Variants in PAX3 observed in about 807,000 individuals in gnomAD.
PAX3 encodes the protein paired box protein Pax-3.
PAX3 carries 14 observed loss-of-function variants against 51.6 expected under a neutral mutation model. That is an observed-to-expected ratio of 0.27 (90% confidence interval 0.18 to 0.42). The LOEUF is 0.42. Ranked by LOEUF, PAX3 falls within the 10% of genes least tolerant of loss-of-function variation. PAX3 has a pLI of 1.00. For missense variants in PAX3, 540 were observed against 642.8 expected (o/e 0.84, Z 1.73); for synonymous variants, 280 against 253.4 (o/e 1.11, Z -1.00).
chr2:222,231,868 T>C (rs1195233888), intron 5 of PAX3, among the ~76,000 whole-genome samples: 1 of 152,238 alleles, frequency 6.6e-6, no homozygotes, highest in African/African-American at 2.4e-5. Context: ...AAAGTTGAGT[T>C]AGTCACATGA....
intron 4 of PAX3, among the ~76,000 whole-genome samples, chr2:222,271,156 C>T (rs1427941949): frequency 6.6e-6 from 1 of 152,190 alleles, no homozygotes; most frequent in Non-Finnish European, 1.5e-5. Context: ...CACATAGTGA[C>T]TTTTCCATGA....
chr2:222,220,084 T>C (rs1692125549), intron 7 of PAX3, 56 bp downstream of exon 7: 14 of 1,439,430 alleles, frequency 9.7e-6, no homozygotes, highest in Middle Eastern at 2.2e-4. Context: ...CCTCAGGGAA[T>C]TGAATATTTG....
chr2:222,240,249 A>G (rs567397028), intron 4 of PAX3, among the ~76,000 whole-genome samples: 1 of 152,100 alleles, frequency 6.6e-6, no homozygotes, highest in Non-Finnish European at 1.5e-5. Flanking sequence ...AACATGGACT[A>G]TTGGGTGTTT....
chr2:222,221,107 G>A, intron 6 of PAX3, 115 bp downstream of exon 6: 2 of 967,072 alleles, frequency 2.1e-6, no homozygotes, highest in South Asian at 2.6e-5. Context: ...ACAACCTGAT[G>A]TATTACAATT....
In PAX3 at chr2:222,220,175, T is replaced by C. The variant is rs755170133; in HGVS notation, c.1138A>G (p.Met380Val). ...FVPPSGPSNP[M>V]NPTIGNGLSP... The stretch of plus-strand genomic sequence containing the variant: ...AGGCCATTGCCAATGGTGGGGTTCA[T>C]GGGGTTGGAGGGCCCCGACGGAGGC... Residue 380 changes from methionine to valine, a missense_variant, in exon 7 of 9, where the codon ATG becomes GTG. Physicochemically the swap from Met to Val is conservative, Grantham distance 21. Transcript: ENST00000392070. The C allele has an allele frequency of 2.5e-6, 4 of 1,613,860 alleles. No homozygotes were observed. Among genetic ancestry groups the C allele is most frequent in the Admixed American group, 1.7e-5 (1 of 60,000 alleles).
At chr2:222,229,289 T>C (rs1469237719) in intron 5 of PAX3, among the ~76,000 whole-genome samples, 1 of 150,192 alleles carries the variant, frequency 6.7e-6, no homozygotes, top group Non-Finnish European at 1.5e-5. Context: ...TTATATAGTA[T>C]TATATAATAT....
chr2:222,229,784 C>G (rs1692517850), intron 5 of PAX3, among the ~76,000 whole-genome samples: 1 of 152,186 alleles, frequency 6.6e-6, no homozygotes, highest in South Asian at 2.1e-4. Context: ...TAGCCCACCA[C>G]TTCTACCTCT....
chr2:222,218,635 G>A (rs1366428661), intron 7 of PAX3, among the ~76,000 whole-genome samples: 3 of 152,186 alleles, frequency 2.0e-5, no homozygotes, highest in African/African-American at 7.2e-5. Flanking sequence ...CATATGCCAT[G>A]AATCTGGGTA....
chr2:222,201,248 A>T lies in PAX3; in HGVS notation c.*160T>A, dbSNP rs750665654. On this transcript the variant is annotated 3_prime_UTR_variant, in exon 9 of 9. Coordinates refer to ENST00000392070, the MANE Select transcript of PAX3 (RefSeq NM_181458.4). Reference sequence around the variant, plus strand: ...AAAAGGATTTGAAACCAACTATTGGAGGAAGAAAATCAATCACTCTCCTTT... The same window carrying T: ...AAAAGGATTTGAAACCAACTATTGGTGGAAGAAAATCAATCACTCTCCTTT... 5.6e-6 allele frequency: 9 copies of T among 1,613,922 alleles called. No homozygotes were observed. The highest frequency in any genetic ancestry group is 7.6e-6 in the Non-Finnish European group (9 of 1,179,958).
In PAX3 at chr2:222,201,184, A is replaced by G; in HGVS notation, c.*224T>C. ...TGTTGCATTTGTCTTTTATTGCTCC[A>G]GGTCTTCCTCTTCTCCACTGCTTTT... On this transcript the variant is annotated 3_prime_UTR_variant, in exon 9 of 9. Coordinates refer to ENST00000392070, the MANE Select transcript of PAX3 (RefSeq NM_181458.4). 1.2e-6 allele frequency: 2 copies of G among 1,614,056 alleles called. No individual in the cohort carries two copies. The highest frequency in any genetic ancestry group is 1.7e-6 in the Non-Finnish European group (2 of 1,179,984).
chr2:222,221,457 T>A, intron 5 of PAX3, 70 bp from the exon 6 acceptor site: 1 of 1,410,088 alleles, frequency 7.1e-7, no homozygotes, highest in Admixed American at 1.7e-5. Context: ...GAATTTTTTA[T>A]GCTAAAACAG....
chr2:222,257,416 A>G (rs1693687433), intron 4 of PAX3, among the ~76,000 whole-genome samples: 1 of 152,210 alleles, frequency 6.6e-6, no homozygotes, highest in Admixed American at 6.5e-5. Context: ...TTTCTACCCC[A>G]GCAGCTACAA....
chr2:222,232,391 T>C, intron 4 of PAX3, 108 bp from the exon 5 acceptor site: 1 of 891,372 alleles, frequency 1.1e-6, no homozygotes, highest in Admixed American at 2.2e-5. Context: ...CAGTGATCCC[T>C]ATACCTAAAG....
intron 4 of PAX3, among the ~76,000 whole-genome samples, chr2:222,277,600 G>T (rs576991054): frequency 6.6e-6 from 1 of 152,262 alleles, no homozygotes; most frequent in African/African-American, 2.4e-5. Context: ...AGCCCTGGAT[G>T]CTTTTGAAAA....
At chr2:222,295,506 G>T (rs1436203137) in intron 3 of PAX3, 22 bp downstream of exon 3, 1 of 1,614,120 alleles carries the variant, frequency 6.2e-7, no homozygotes, top group South Asian at 1.1e-5. Flanking sequence ...GCGCCTCGGG[G>T]AGAGGTTAAT....
At chr2:222,284,551 T>C (rs896511633) in intron 4 of PAX3, among the ~76,000 whole-genome samples, 22 of 152,214 alleles carry the variant, frequency 1.4e-4, no homozygotes, top group African/African-American at 5.3e-4. Context: ...TAGTTGCTCA[T>C]AAACTCAATT....
At chr2:222,256,207 A>G (rs1693637829) in intron 4 of PAX3, among the ~76,000 whole-genome samples, 1 of 152,148 alleles carries the variant, frequency 6.6e-6, no homozygotes, top group Non-Finnish European at 1.5e-5. Context: ...AGAATCAATT[A>G]CATTCCAAGG....
At position 222,202,133 on chromosome 2, in the gene PAX3, C is replaced by A; in HGVS notation, c.1231G>T (p.Ala411Ser). The change falls in exon 8 of 9, where the codon GCG becomes TCG. Residue 411 changes from alanine (A) to serine (S), a missense_variant. This residue lies in a region of PAX3 where 427 missense variants were observed against 483.6 expected (regional missense o/e 0.88). Coordinates refer to ENST00000392070, the MANE Select transcript of PAX3 (RefSeq NM_181458.4). Reference sequence around the variant, plus strand: ...AGACCCCCGGTGAGAGGGGAGAGCGCGTAATCAGTCTGGGGCTGATGAGGT... The same window carrying A: ...AGACCCCCGGTGAGAGGGGAGAGCGAGTAATCAGTCTGGGGCTGATGAGGT... ...GVPHQPQTDY[A>S]LSPLTGGLEP... is the part of the protein sequence containing the mutation. The A allele has an allele frequency of 6.2e-7, 1 of 1,612,388 alleles. No homozygotes were observed. Among genetic ancestry groups the A allele is most frequent in the South Asian group, 1.1e-5 (1 of 90,868 alleles).
At chr2:222,202,731 C>A (rs929620035) in intron 7 of PAX3, among the ~76,000 whole-genome samples, 2 of 151,168 alleles carry the variant, frequency 1.3e-5, no homozygotes, top group Non-Finnish European at 2.9e-5. Flanking sequence ...AAGAAAGCCC[C>A]TTTCCTTATC....
Sources: allele counts gnomAD v4.1 joint callset (sites outside exome capture counted in the v4.1 genomes callset), GRCh38; gene constraint gnomAD v4.1.1; regional missense constraint gnomAD v4.1.1; transcripts MANE v1.5; gene names NCBI Gene and HGNC (gene_info 2026-07-23, HGNC 2026-07-21).